The following FNBP1 variants were observed in gnomAD, a reference collection of about 807,000 sequenced individuals.
The protein encoded by FNBP1 is formin binding protein 1.
FNBP1 carries 26 observed loss-of-function variants against 90.6 expected under a neutral mutation model. That is an observed-to-expected ratio of 0.29 (90% CI 0.21 to 0.40). The LOEUF (loss-of-function observed/expected upper bound fraction) is 0.40, where lower values mean the gene tolerates loss of function less well. Among genes scored for constraint, FNBP1 ranks in the 10% least tolerant of loss-of-function variants. The pLI is 1.00. For synonymous variants in FNBP1, 260 were observed against 265.2 expected (o/e 0.98, Z 0.19); for missense variants, 635 against 768.0 (o/e 0.83, Z 2.05).
intron 2 of FNBP1, among the ~76,000 whole-genome samples, chr9:129,988,150 T>C (rs1218276794): frequency 3.3e-5 from 5 of 151,674 alleles, no homozygotes; most frequent in African/African-American, 7.3e-5. Context: ...GAGGGTGAGG[T>C]TGAGCAGGCC....
chr9:129,895,273 T>A (rs10760645), intron 16 of FNBP1: 562,667 of 1,051,494 alleles, frequency 0.54, 152,224 homozygotes, highest in East Asian at 0.74. Context: ...TTGGTGCCAA[T>A]ATAAGAATCT....
rs2059160469 is a variant in FNBP1, at chr9:130,034,790, T to C, written c.24+8162A>G. On this transcript the variant is annotated intron_variant, in intron 1 of 16. Coordinates refer to ENST00000446176, the MANE Select transcript of FNBP1 (RefSeq NM_015033.3). ...ATCAACTGTTTTATAAAGCAAAATC[T>C]ACTGCAGTGATGGGGAAATATGAGT... 2.6e-5 allele frequency among the ~76,000 whole-genome samples: 4 copies of C among 152,280 alleles called. No homozygotes were observed. In the South Asian group the frequency reaches 8.3e-4, roughly 32 times the overall value.
chr9:130,005,588 A>C (rs561574514), intron 1 of FNBP1, among the ~76,000 whole-genome samples: 3 of 152,018 alleles, frequency 2.0e-5, no homozygotes, highest in Non-Finnish European at 4.4e-5. Flanking sequence ...TGATCTGCCC[A>C]CCTCAGCCTC....
At chr9:129,893,205 A>G (rs2131168250) in intron 16 of FNBP1, among the ~76,000 whole-genome samples, 1 of 152,198 alleles carries the variant, frequency 6.6e-6, no homozygotes, top group Non-Finnish European at 1.5e-5. Flanking sequence ...ATTTAAACAG[A>G]TCCTTGTGGT....
At chr9:129,952,040 A>G (rs1395746418) in intron 6 of FNBP1, among the ~76,000 whole-genome samples, 3 of 150,732 alleles carry the variant, frequency 2.0e-5, no homozygotes, top group Admixed American at 2.0e-4. Flanking sequence ...AAAAACACAA[A>G]AATTAGCCAG....
intron 5 of FNBP1, among the ~76,000 whole-genome samples, chr9:129,958,236 A>G (rs2047237969): frequency 6.6e-6 from 1 of 152,050 alleles, no homozygotes; most frequent in South Asian, 2.1e-4. Context: ...GTTCAAGACC[A>G]CCCTGGCCAA....
At chr9:129,919,062 G>A in intron 10 of FNBP1, 2 of 367,514 alleles carry the variant, frequency 5.4e-6, no homozygotes, top group Non-Finnish European at 1.1e-5. Context: ...TAGTGTGGAA[G>A]CATAACAAGT....
At chr9:129,899,528 T>C (rs538644059) in intron 15 of FNBP1, among the ~76,000 whole-genome samples, 1 of 152,114 alleles carries the variant, frequency 6.6e-6, no homozygotes, top group Admixed American at 6.5e-5. Context: ...CTGGGCAACA[T>C]AGTGAGACCC....
chr9:129,889,957 GA>G lies in FNBP1; in HGVS notation c.*581del. ...GATGCTCCCAGGTTGAGGGCATAGTGAAAGGGTCAATGTTTAGTATGAGGTG... is the reference window on the plus strand; with the variant it reads ...GATGCTCCCAGGTTGAGGGCATAGTGAAGGGTCAATGTTTAGTATGAGGTG... On this transcript the variant is annotated 3_prime_UTR_variant, in exon 17 of 17. Coordinates refer to ENST00000446176, the MANE Select transcript of FNBP1 (RefSeq NM_015033.3). The G allele has an allele frequency of 4.2e-6, 1 of 237,776 alleles. No individual in the cohort carries two copies. Among genetic ancestry groups the G allele is most frequent in the East Asian group, 6.0e-5 (1 of 16,644 alleles). The allele number at this position is 237,776 out of a possible 1,614,324, so 14.7% of individuals were successfully genotyped here.
At chr9:129,958,211 C>T (rs1343091511) in intron 5 of FNBP1, among the ~76,000 whole-genome samples, 1 of 152,086 alleles carries the variant, frequency 6.6e-6, no homozygotes, top group Non-Finnish European at 1.5e-5. Flanking sequence ...GTGGGCGAAT[C>T]ACTTCAGGGC....
At chr9:129,893,358 T>C (rs2131169219) in intron 16 of FNBP1, among the ~76,000 whole-genome samples, 1 of 151,436 alleles carries the variant, frequency 6.6e-6, no homozygotes, top group African/African-American at 2.4e-5. Context: ...ATCCCAGCAC[T>C]TTGGGAGGCT....
At chr9:129,922,060 T>TA (rs76654387) in intron 10 of FNBP1, among the ~76,000 whole-genome samples, 126 of 145,008 alleles carry the variant, frequency 8.7e-4, no homozygotes, top group Middle Eastern at 3.6e-3. Flanking sequence ...GGGTAGGATT[T>TA]AAAAAAAAAA....
At chr9:130,014,962 G>A (rs1048602182) in intron 1 of FNBP1, among the ~76,000 whole-genome samples, 8 of 150,830 alleles carry the variant, frequency 5.3e-5, no homozygotes, top group African/African-American at 2.0e-4. Context: ...CACCCTTGGG[G>A]GAAAAACTTC....
intron 2 of FNBP1, among the ~76,000 whole-genome samples, chr9:129,989,626 C>G (rs1466082538): frequency 6.6e-6 from 1 of 152,086 alleles, no homozygotes; most frequent in East Asian, 1.9e-4. Context: ...AATATAATAC[C>G]CAGATTTCTC....
intron 1 of FNBP1, among the ~76,000 whole-genome samples, chr9:130,027,532 G>T (rs1394492788): frequency 1.3e-5 from 2 of 152,174 alleles, no homozygotes; most frequent in African/African-American, 4.8e-5. Context: ...TAAGGATATT[G>T]TTCCAGTTAC....
chr9:130,040,570 G>A (rs1472097447), intron 1 of FNBP1, among the ~76,000 whole-genome samples: 1 of 150,320 alleles, frequency 6.7e-6, no homozygotes, highest in East Asian at 2.0e-4. Context: ...GCAGTGAGCC[G>A]AGATCACGCC....
At chr9:129,935,436 C>T (rs568374598) in intron 6 of FNBP1, among the ~76,000 whole-genome samples, 4 of 151,734 alleles carry the variant, frequency 2.6e-5, no homozygotes, top group Non-Finnish European at 4.4e-5. Flanking sequence ...GTGGTATAAC[C>T]GAGTTATAAC....
intron 1 of FNBP1, among the ~76,000 whole-genome samples, chr9:130,035,526 G>C (rs1221280902): frequency 1.3e-5 from 2 of 152,208 alleles, no homozygotes; most frequent in African/African-American, 4.8e-5. Flanking sequence ...TGGCACAAAT[G>C]GTAGTTACCT....
chr9:130,040,017 CATT>C (rs376342811), intron 1 of FNBP1, among the ~76,000 whole-genome samples: 76 of 152,310 alleles, frequency 5.0e-4, no homozygotes, highest in Middle Eastern at 3.4e-3. Flanking sequence ...ATCATTATCT[CATT>C]ATACATGTGC....
Sources: allele counts gnomAD v4.1 joint callset (sites outside exome capture counted in the v4.1 genomes callset), GRCh38; gene constraint gnomAD v4.1.1; transcripts MANE v1.5; gene names NCBI Gene and HGNC (gene_info 2026-07-23, HGNC 2026-07-21).